Variants in PCNX3 observed in about 807,000 individuals in gnomAD.
PCNX3 encodes pecanex-like protein 3.
In PCNX3, 58 loss-of-function variants were observed where a neutral mutation model predicts 207.2. The observed-to-expected ratio is 0.28, with a 90% CI of 0.23 to 0.35. The LOEUF is 0.35. Ranked by LOEUF, PCNX3 falls within the 10% of genes least tolerant of loss-of-function variation. The pLI is 1.00. For synonymous variants in PCNX3, 1,337 were observed against 1,183.5 expected (o/e 1.13, Z -2.66); for missense variants, 2,410 against 2,774.4 (o/e 0.87, Z 2.95).
In PCNX3 at chr11:65,624,200, C is replaced by T; in HGVS notation, c.2550C>T (p.His850=). ...CTCATGGGCTGACCCCTCAGGGCCACAACTGGGTGATCGCGTACAGCCGTC... is the reference window on the plus strand; with the variant it reads ...CTCATGGGCTGACCCCTCAGGGCCATAACTGGGTGATCGCGTACAGCCGTC... The part of the protein sequence containing the change: ...QPDAASPMHG[H]NWVIAYSRPV... Residue 850 remains histidine, a synonymous_variant, in exon 14 of 35, where the codon CAC becomes CAT. Transcript: ENST00000355703. 1 of 1,604,444 alleles carries T rather than the reference C, an allele frequency of 6.2e-7. No individual in the cohort carries two copies. The highest frequency in any genetic ancestry group is 8.5e-7 in the Non-Finnish European group (1 of 1,176,846).
intron 20 of PCNX3, 106 bp from the exon 21 acceptor site, chr11:65,626,798 G>C (rs1455087874): frequency 2.7e-6 from 4 of 1,499,758 alleles, no homozygotes; most frequent in East Asian, 2.5e-5. Context: ...TCCCCCCAGG[G>C]TCTCCGAGGA....
At chr11:65,633,577 G>T (rs1394484927) in intron 27 of PCNX3, among the ~76,000 whole-genome samples, 1 of 152,232 alleles carries the variant, frequency 6.6e-6, no homozygotes. Flanking sequence ...ATGCTCCCGC[G>T]CTCGGGGTTA....
chr11:65,629,329 A>T (rs1356453362), intron 24 of PCNX3, 28 bp from the exon 25 acceptor site: 1 of 1,602,404 alleles, frequency 6.2e-7, no homozygotes, highest in Non-Finnish European at 8.5e-7. Flanking sequence ...TTCTTGGCCA[A>T]CCGCCTTGTT....
Position 65,620,821 on chromosome 11 carries a change from G to C in PCNX3, c.2100-10G>C, listed in dbSNP as rs1413809070. 5 of 1,594,302 alleles carry C rather than the reference G, an allele frequency of 3.1e-6. No individual in the cohort carries two copies. Among genetic ancestry groups the C allele is most frequent in the Non-Finnish European group, 3.4e-6 (4 of 1,171,648 alleles). ...CCGTGGGGGGATCCTGATGGCTGCTGTTCTCACAGGGACCGACACTCGCAT... is the reference window on the plus strand; with the variant it reads ...CCGTGGGGGGATCCTGATGGCTGCTCTTCTCACAGGGACCGACACTCGCAT... On this transcript the variant is annotated splice_polypyrimidine_tract_variant and intron_variant, in intron 9 of 34. Coordinates refer to ENST00000355703, the MANE Select transcript of PCNX3 (RefSeq NM_032223.4).
Position 65,618,736 on chromosome 11 carries a change from C to T in PCNX3, c.1374C>T (p.Ser458=). 6.2e-7 allele frequency: 1 copy of T among 1,612,278 alleles called. No individual in the cohort carries two copies. Among genetic ancestry groups the T allele is most frequent in the Non-Finnish European group, 8.5e-7 (1 of 1,179,324 alleles). ...SSTSCYSPES[S]RGAAGGPRKR... is the part of the protein sequence containing the mutation. The stretch of plus-strand genomic sequence containing the variant: ...CTTCCTGCTACTCCCCTGAGAGCTC[C>T]CGGGGTGCAGCAGGGGGACCCCGGA... The change falls in exon 6 of 35, where the codon TCC becomes TCT. Residue 458 remains serine (S), a synonymous_variant. Transcript: ENST00000355703.
intron 15 of PCNX3, 54 bp from the exon 16 acceptor site, chr11:65,624,871 T>G: frequency 2.6e-6 from 4 of 1,528,326 alleles, no homozygotes; most frequent in Non-Finnish European, 3.6e-6. Flanking sequence ...CGGCTAGGGT[T>G]GAGGTGGGGT....
Position 65,634,223 on chromosome 11 carries a change from A to G in PCNX3, c.4568A>G (p.Tyr1523Cys), listed in dbSNP as rs772859983. The G allele has an allele frequency of 1.2e-6, 2 of 1,613,444 alleles. No individual in the cohort carries two copies. The highest frequency in any genetic ancestry group is 1.7e-6 in the Non-Finnish European group (2 of 1,179,830). The change falls in exon 28 of 35, where the codon TAT becomes TGT. Residue 1523 changes from tyrosine to cysteine, a missense_variant. Coordinates refer to ENST00000355703, the MANE Select transcript of PCNX3 (RefSeq NM_032223.4). ...AALRPVRVPG[Y>C]ADSDPTFSLS... Reference sequence around the variant, plus strand: ...CTGAGGCCTGTGCGGGTGCCCGGCTATGCCGACTCGGATCCCACCTTCTCG... The same window carrying G: ...CTGAGGCCTGTGCGGGTGCCCGGCTGTGCCGACTCGGATCCCACCTTCTCG...
Position 65,625,569 on chromosome 11 carries a change from G to A in PCNX3, c.3135+59G>A. Reference sequence around the variant, plus strand: ...GTGGTGACAGGTCCTGGGGTTCCTGGGAGGGGCATGTCCAGCTTGGGCTGC... The same window carrying A: ...GTGGTGACAGGTCCTGGGGTTCCTGAGAGGGGCATGTCCAGCTTGGGCTGC... On this transcript the variant is annotated intron_variant, in intron 18 of 34. Transcript: ENST00000355703. This position sits in a 1 kb window ranked among gnomAD's most constrained non-coding sequence, Gnocchi z 5.6. 1 of 1,576,936 alleles carries A rather than the reference G, an allele frequency of 6.3e-7. No homozygotes were observed. The highest frequency in any genetic ancestry group is 1.8e-5 in the Admixed American group (1 of 56,242).
chr11:65,634,379 T>G, intron 28 of PCNX3, 23 bp downstream of exon 28: 13 of 1,555,034 alleles, frequency 8.4e-6, no homozygotes, highest in Non-Finnish European at 1.1e-5. Flanking sequence ...TACCTGAGGC[T>G]GCCACCTGGG....
chr11:65,616,138 C>T lies in PCNX3; in HGVS notation c.-174C>T, dbSNP rs1854712878. 1 of 412,622 alleles carries T rather than the reference C, an allele frequency of 2.4e-6. No homozygotes were observed. The highest frequency in any genetic ancestry group is 4.1e-6 in the Non-Finnish European group (1 of 242,814). 25.6% of individuals were successfully genotyped at this position (412,622 alleles called of 1,614,324 possible). Reference sequence around the variant, plus strand: ...TTGCACCACTGACTGTCCCGGCCGGCCCCGCCCCCTGCTCGCACCCTCGCG... The same window carrying T: ...TTGCACCACTGACTGTCCCGGCCGGTCCCGCCCCCTGCTCGCACCCTCGCG... On this transcript the variant is annotated 5_prime_UTR_variant, in exon 1 of 35. Coordinates refer to ENST00000355703, the MANE Select transcript of PCNX3 (RefSeq NM_032223.4).
chr11:65,626,158 C>T, intron 20 of PCNX3, 104 bp downstream of exon 20: 3 of 1,448,856 alleles, frequency 2.1e-6, no homozygotes, highest in East Asian at 2.5e-5. Flanking sequence ...GCAGGGGGCA[C>T]TCGCTGCCCA....
In PCNX3 at chr11:65,625,391, T is replaced by C. The variant is rs376106141; in HGVS notation, c.3030-14T>C. The C allele has an allele frequency of 2.5e-6, 4 of 1,601,054 alleles. No individual in the cohort carries two copies. The highest frequency in any genetic ancestry group is 3.4e-6 in the Non-Finnish European group (4 of 1,177,288). ...AGGAGGGGCGGCCTCCTCCTGACTC[T>C]TCCTCACCCCCAGGTCTCTGATCCG... On this transcript the variant is annotated splice_polypyrimidine_tract_variant and intron_variant, in intron 17 of 34. Transcript: ENST00000355703. The surrounding 1 kb of genome is among the most constrained non-coding windows in gnomAD (Gnocchi z 5.6).
chr11:65,633,004 C>T (rs900861635), intron 27 of PCNX3, among the ~76,000 whole-genome samples: 2 of 152,110 alleles, frequency 1.3e-5, no homozygotes, highest in African/African-American at 2.4e-5. Context: ...CTCCACCTCC[C>T]GAAGTTCTGG....
chr11:65,628,656 C>G lies in PCNX3; in HGVS notation c.3764C>G (p.Thr1255Ser). ...ACCTACATCGCGCCCTGGCAGATCA[C>G]CTGGGGCTCGGCTTTCCACGCTTTT... ...VLTYIAPWQI[T>S]WGSAFHAFAQ... Residue 1255 changes from threonine to serine, a missense_variant, in exon 23 of 35, where the codon ACC (threonine) becomes AGC (serine). Thr to Ser is a moderately conservative substitution (Grantham distance 58). Coordinates refer to ENST00000355703, the MANE Select transcript of PCNX3 (RefSeq NM_032223.4). The G allele has an allele frequency of 1.2e-6, 2 of 1,613,402 alleles. No homozygotes were observed. The highest frequency in any genetic ancestry group is 1.1e-5 in the South Asian group (1 of 91,080).
In PCNX3 at chr11:65,635,259, C is replaced by T; in HGVS notation, c.4995C>T (p.Ala1665=). ...TSPDEYEEPA[A]LYDAIAANEE... ...CAGATGAATATGAGGAGCCAGCAGC[C>T]CTATACGATGCCATTGCGGCCAACG... The change falls in exon 31 of 35, where the codon GCC becomes GCT. Residue 1665 remains alanine, a synonymous_variant. Coordinates refer to ENST00000355703, the MANE Select transcript of PCNX3 (RefSeq NM_032223.4). The surrounding 1 kb of genome is among the most constrained non-coding windows in gnomAD (Gnocchi z 9.9). 2 of 1,588,250 alleles carry T rather than the reference C, an allele frequency of 1.3e-6. No homozygotes were observed. The highest frequency in any genetic ancestry group is 1.7e-6 in the Non-Finnish European group (2 of 1,167,734).
At chr11:65,624,099 T>A in intron 13 of PCNX3, 96 bp from the exon 14 acceptor site, 1 of 1,567,534 alleles carries the variant, frequency 6.4e-7, no homozygotes, top group Non-Finnish European at 8.6e-7. Context: ...CTCTCCAGCT[T>A]GGACCCAGGG....
At chr11:65,634,832 A>C (rs1372570428) in intron 29 of PCNX3, 141 bp from the exon 30 acceptor site, 2 of 1,292,218 alleles carry the variant, frequency 1.5e-6, no homozygotes, top group African/African-American at 3.0e-5. Context: ...TGTGAGAGAC[A>C]TGGGCAGAGA....
rs573134409 is a variant in PCNX3, at chr11:65,625,811, G to A, written c.3228+67G>A. ...CGGGAGCCTGCTCAATCTGAGTGCC[G>A]TGGGCAGCCCCTCCCCGGCCTGTGC... On this transcript the variant is annotated intron_variant, in intron 19 of 34. Coordinates refer to ENST00000355703, the MANE Select transcript of PCNX3 (RefSeq NM_032223.4). The surrounding 1 kb of genome is among the most constrained non-coding windows in gnomAD (Gnocchi z 5.6). 275 of 1,595,628 alleles carry A rather than the reference G, an allele frequency of 1.7e-4. No homozygotes were observed. The East Asian group carries it at 3.7e-3, about 21-fold the overall frequency.
rs1456511516 is a variant in PCNX3, at chr11:65,634,989, T to C, written c.4822T>C (p.Tyr1608His). Residue 1608 changes from tyrosine (Y) to histidine (H), a missense_variant, in exon 30 of 35, where the codon TAC (tyrosine) becomes CAC (histidine). By Grantham distance (83) the Tyr-to-His change is moderately conservative. Around this residue, in one of 8 missense-constraint regions of PCNX3, gnomAD observed 420 missense variants for 705.3 expected, o/e 0.60. Transcript: ENST00000355703. ...SMSASLEPFL[Y>H]GLHALFKGDF... is the part of the protein sequence containing the mutation. ...CCCACTTAGCCTGGAGCCCTTCCTC[T>C]ACGGCCTGCACGCCCTGTTCAAGGG... 3 of 1,613,436 alleles carry C rather than the reference T, an allele frequency of 1.9e-6. No homozygotes were observed. The highest frequency in any genetic ancestry group is 2.2e-5 in the East Asian group (1 of 44,866).
Sources: allele counts gnomAD v4.1 joint callset (sites outside exome capture counted in the v4.1 genomes callset), GRCh38; gene constraint gnomAD v4.1.1; regional missense constraint gnomAD v4.1.1; non-coding constraint Gnocchi (gnomAD v3.1); transcripts MANE v1.5; gene names NCBI Gene and HGNC (gene_info 2026-07-23, HGNC 2026-07-21).